ROMO1: variants seen among roughly 807,000 people sequenced by gnomAD.
ROMO1 encodes reactive oxygen species modulator 1, also known as PCM19.
In ROMO1, 8 loss-of-function variants were observed where a neutral mutation model predicts 7.4. The ratio of observed to expected loss-of-function variants is 1.08; its 90% CI spans 0.63 to 1.95. The LOEUF is 1.95. ROMO1 is among the 30% of genes most tolerant of loss of function. The probability of loss-of-function intolerance (pLI) is 0.00; values close to 1 mark genes in which losing one functional copy is unlikely to be tolerated. For missense variants in ROMO1, 91 were observed against 115.9 expected (o/e 0.79, Z 0.99); for synonymous variants, 43 against 41.4 (o/e 1.04, Z -0.15).
Position 35,700,943 on chromosome 20 carries a change from T to C in ROMO1, c.*37T>C. 1 of 1,413,256 alleles carries C rather than the reference T, an allele frequency of 7.1e-7. No individual in the cohort carries two copies. The highest frequency in any genetic ancestry group is 1.2e-5 in the South Asian group (1 of 86,924). The allele number at this position is 1,413,256 out of a possible 1,614,324, so 87.5% of individuals were successfully genotyped here. On this transcript the variant is annotated 3_prime_UTR_variant, in exon 3 of 3. Transcript: ENST00000374077. ...AACTACATCTGTCCCTTCCCATCAA[T>C]CCCAGCCCATGTACTAATAAAAGAA... is the stretch of plus-strand genomic sequence containing the variant.
exon 3 of ROMO1, chr20:35,700,979 TAGTC>T: frequency 1.9e-6 from 2 of 1,063,192 alleles, no homozygotes; most frequent in Middle Eastern, 2.2e-4. Flanking sequence ...AGTCTTTGAG[TAGTC>T]AGTGTCCCTC....
intron 2 of ROMO1, among the ~76,000 whole-genome samples, chr20:35,700,412 A>G (rs988887936): frequency 5.9e-5 from 9 of 152,172 alleles, no homozygotes; most frequent in Non-Finnish European, 1.3e-4. Flanking sequence ...ACTATGTGTA[A>G]ATTGTAGAGC....
Position 35,700,936 on chromosome 20 carries a change from C to A in ROMO1, c.*30C>A. Reference sequence around the variant, plus strand: ...GGTTGCCAACTACATCTGTCCCTTCCCATCAATCCCAGCCCATGTACTAAT... The same window carrying A: ...GGTTGCCAACTACATCTGTCCCTTCACATCAATCCCAGCCCATGTACTAAT... On this transcript the variant is annotated 3_prime_UTR_variant, in exon 3 of 3. Coordinates refer to ENST00000374077, the MANE Select transcript of ROMO1 (RefSeq NM_080748.3). 1 of 1,458,278 alleles carries A rather than the reference C, an allele frequency of 6.9e-7. No homozygotes were observed. Among genetic ancestry groups the A allele is most frequent in the Non-Finnish European group, 9.6e-7 (1 of 1,037,722 alleles). 90.3% of individuals were successfully genotyped at this position (1,458,278 alleles called of 1,614,324 possible).
chr20:35,699,428 T>G lies in ROMO1; in HGVS notation c.-29T>G. Reference sequence around the variant, plus strand: ...TCGTTTTCCGTGAGAGACGTAGAGCTGAGCGACCCAGCCCGCGAGCGAGGT... The same window carrying G: ...TCGTTTTCCGTGAGAGACGTAGAGCGGAGCGACCCAGCCCGCGAGCGAGGT... On this transcript the variant is annotated 5_prime_UTR_variant, in exon 1 of 3. Coordinates refer to ENST00000374077, the MANE Select transcript of ROMO1 (RefSeq NM_080748.3). The surrounding 1 kb of genome is among the most constrained non-coding windows in gnomAD (Gnocchi z 4.4). The G allele has an allele frequency of 8.4e-7, 1 of 1,186,630 alleles. No individual in the cohort carries two copies. Among genetic ancestry groups the G allele is most frequent in the Admixed American group, 2.9e-5 (1 of 34,092 alleles). The allele number at this position is 1,186,630 out of a possible 1,614,324, so 73.5% of individuals were successfully genotyped here.
Position 35,700,947 on chromosome 20 carries a change from A to G in ROMO1, c.*41A>G. 3.6e-6 allele frequency: 5 copies of G among 1,387,168 alleles called. No individual in the cohort carries two copies. Among genetic ancestry groups the G allele is most frequent in the Non-Finnish European group, 5.1e-6 (5 of 972,740 alleles). 85.9% of individuals were successfully genotyped at this position (1,387,168 alleles called of 1,614,324 possible). On this transcript the variant is annotated 3_prime_UTR_variant, in exon 3 of 3. Transcript: ENST00000374077. ...ACATCTGTCCCTTCCCATCAATCCC[A>G]GCCCATGTACTAATAAAAGAAAGTC...
chr20:35,699,443 GC>G lies in ROMO1; in HGVS notation c.-13del. 16 of 1,170,418 alleles carry G rather than the reference GC, an allele frequency of 1.4e-5. No homozygotes were observed. Among genetic ancestry groups the G allele is most frequent in the Non-Finnish European group, 1.9e-5 (16 of 856,036 alleles). 72.5% of individuals were successfully genotyped at this position (1,170,418 alleles called of 1,614,324 possible). On this transcript the variant is annotated 5_prime_UTR_variant, in exon 1 of 3. Transcript: ENST00000374077. This position sits in a 1 kb window ranked among gnomAD's most constrained non-coding sequence, Gnocchi z 4.4. ...GACGTAGAGCTGAGCGACCCAGCCC[GC>G]GAGCGAGGTGAGGTAGGCGCCGGGC...
Position 35,699,838 on chromosome 20 carries a change from G to C in ROMO1, c.131+75G>C, listed in dbSNP as rs2035222188. 6.6e-7 allele frequency: 1 copy of C among 1,509,406 alleles called. No individual in the cohort carries two copies. The highest frequency in any genetic ancestry group is 1.4e-5 in the African/African-American group (1 of 71,772). 93.5% of individuals were successfully genotyped at this position (1,509,406 alleles called of 1,614,324 possible). ...CCCTGCCCCATTCGGCCTGGAGCCT[G>C]AACACAGCCTCCTTCTTTCGACTTC... is the stretch of plus-strand genomic sequence containing the variant. On this transcript the variant is annotated intron_variant, in intron 2 of 2. Transcript: ENST00000374077. The surrounding 1 kb of genome is among the most constrained non-coding windows in gnomAD (Gnocchi z 4.4).
intron 2 of ROMO1, 104 bp from the exon 3 acceptor site, chr20:35,700,694 G>A: frequency 1.2e-6 from 1 of 822,336 alleles, no homozygotes; most frequent in Non-Finnish European, 2.1e-6. Flanking sequence ...AAAATCAGAT[G>A]TAGGGGTTGC....
At chr20:35,700,420 A>C (rs2035239792) in intron 2 of ROMO1, among the ~76,000 whole-genome samples, 1 of 152,188 alleles carries the variant, frequency 6.6e-6, no homozygotes, top group South Asian at 2.1e-4. Flanking sequence ...TAAATTGTAG[A>C]GCTGACTCTT....
In ROMO1 at chr20:35,699,817, G is replaced by T. The variant is rs181698630; in HGVS notation, c.131+54G>T. 117 of 1,558,194 alleles carry T rather than the reference G, an allele frequency of 7.5e-5. No individual in the cohort carries two copies. Among genetic ancestry groups the T allele is most frequent in the Non-Finnish European group, 9.7e-5 (112 of 1,155,736 alleles). On this transcript the variant is annotated intron_variant, in intron 2 of 2. Transcript: ENST00000374077. The surrounding 1 kb of genome is among the most constrained non-coding windows in gnomAD (Gnocchi z 4.4). ...CAGGACAACCAGACCTTCCGGCCCT[G>T]CCCCATTCGGCCTGGAGCCTGAACA...
At chr20:35,700,763 G>A (rs772512025) in intron 2 of ROMO1, 35 bp from the exon 3 acceptor site, 1 of 1,576,504 alleles carries the variant, frequency 6.3e-7, no homozygotes, top group Non-Finnish European at 8.7e-7. Context: ...TGATATTTTT[G>A]TTACCAAATA....
In ROMO1 at chr20:35,699,655, ACGGACAGTCCCAG is replaced by A. The variant is rs1568969113; in HGVS notation, c.25_37del (p.Gly9GlnfsTer12). The A allele has an allele frequency of 6.2e-7, 1 of 1,613,472 alleles. No individual in the cohort carries two copies. Among genetic ancestry groups the A allele is most frequent in the South Asian group, 1.1e-5 (1 of 91,084 alleles). ...CAGATGCCGGTGGCCGTGGGTCCCT[ACGGACAGTCCCAG>A]CCAAGCTGCTTCGACCGTGTCAAAA... is the stretch of plus-strand genomic sequence containing the variant. On this transcript the variant is annotated frameshift_variant, in exon 2 of 3. Transcript: ENST00000374077. LOFTEE classifies it high-confidence loss of function. This position sits in a 1 kb window ranked among gnomAD's most constrained non-coding sequence, Gnocchi z 4.4.
chr20:35,699,698 C>T lies in ROMO1; in HGVS notation c.66C>T (p.Gly22=). Residue 22 remains glycine (G), a synonymous_variant, in exon 2 of 3, where the codon GGC becomes GGT. Coordinates refer to ENST00000374077, the MANE Select transcript of ROMO1 (RefSeq NM_080748.3). This position sits in a 1 kb window ranked among gnomAD's most constrained non-coding sequence, Gnocchi z 4.4. ...QPSCFDRVKM[G]FVMGCAVGMA... is the part of the protein sequence containing the mutation. The stretch of plus-strand genomic sequence containing the variant: ...GCTGCTTCGACCGTGTCAAAATGGG[C>T]TTCGTGATGGGTTGCGCCGTGGGCA... The T allele has an allele frequency of 6.2e-7, 1 of 1,613,696 alleles. No homozygotes were observed. The highest frequency in any genetic ancestry group is 8.5e-7 in the Non-Finnish European group (1 of 1,180,014).
At position 35,699,706 on chromosome 20, in the gene ROMO1, T is replaced by G; in HGVS notation, c.74T>G (p.Met25Arg). The part of the protein sequence containing the change: ...CFDRVKMGFV[M>R]GCAVGMAAGA... ...GACCGTGTCAAAATGGGCTTCGTGA[T>G]GGGTTGCGCCGTGGGCATGGCGGCC... The change falls in exon 2 of 3, where the codon ATG (methionine) becomes AGG (arginine). Residue 25 changes from methionine to arginine, a missense_variant. Met to Arg is a moderately conservative substitution (Grantham distance 91, BLOSUM62 -1). Transcript: ENST00000374077. The surrounding 1 kb of genome is among the most constrained non-coding windows in gnomAD (Gnocchi z 4.4). The G allele has an allele frequency of 1.2e-6, 2 of 1,613,574 alleles. No homozygotes were observed. Among genetic ancestry groups the G allele is most frequent in the Non-Finnish European group, 1.7e-6 (2 of 1,179,996 alleles).
Position 35,699,749 on chromosome 20 carries a change from CT to C in ROMO1, c.121del (p.Ser41ProfsTer12). 6.2e-7 allele frequency: 1 copy of C among 1,610,174 alleles called. No individual in the cohort carries two copies. Reference protein sequence around the residue: ...GMAAGALFGTFSCLRIGMRGR... With the variant: ...GMAAGALFGTXSCLRIGMRGR... The stretch of plus-strand genomic sequence containing the variant: ...TGGCGGCCGGGGCGCTCTTCGGCAC[CT>C]TTTCCTGTCTCAGGTGAGGGGCGCG... On this transcript the variant is annotated frameshift_variant, in exon 2 of 3. Transcript: ENST00000374077. LOFTEE classifies it high-confidence loss of function. This position sits in a 1 kb window ranked among gnomAD's most constrained non-coding sequence, Gnocchi z 4.4.
At chr20:35,700,767 C>A in intron 2 of ROMO1, 31 bp from the exon 3 acceptor site, 1 of 1,585,950 alleles carries the variant, frequency 6.3e-7, no homozygotes, top group South Asian at 1.1e-5. Context: ...ATTTTTGTTA[C>A]CAAATAGCTC....
At position 35,699,657 on chromosome 20, in the gene ROMO1, G is replaced by T. The variant is rs73905935; in HGVS notation, c.25G>T (p.Gly9Ter). 1 of 1,613,556 alleles carries T rather than the reference G, an allele frequency of 6.2e-7. No homozygotes were observed. Among genetic ancestry groups the T allele is most frequent in the South Asian group, 1.1e-5 (1 of 91,086 alleles). Residue 9 changes from glycine to a stop codon, truncating the protein, a stop_gained, in exon 2 of 3, where the codon GGA becomes TGA. Coordinates refer to ENST00000374077, the MANE Select transcript of ROMO1 (RefSeq NM_080748.3). LOFTEE classifies it high-confidence loss of function. This position sits in a 1 kb window ranked among gnomAD's most constrained non-coding sequence, Gnocchi z 4.4. MPVAVGPY[G>*]QSQPSCFDRV... ...GATGCCGGTGGCCGTGGGTCCCTAC[G>T]GACAGTCCCAGCCAAGCTGCTTCGA...
At chr20:35,700,652 C>A in intron 2 of ROMO1, 146 bp from the exon 3 acceptor site, 1 of 671,842 alleles carries the variant, frequency 1.5e-6, no homozygotes, top group South Asian at 1.7e-5. Flanking sequence ...ATTACCCACC[C>A]CAGGTAGTAA....
In ROMO1 at chr20:35,699,439, G is replaced by A; in HGVS notation, c.-18G>A. On this transcript the variant is annotated 5_prime_UTR_variant, in exon 1 of 3. Coordinates refer to ENST00000374077, the MANE Select transcript of ROMO1 (RefSeq NM_080748.3). This position sits in a 1 kb window ranked among gnomAD's most constrained non-coding sequence, Gnocchi z 4.4. Reference sequence around the variant, plus strand: ...GAGAGACGTAGAGCTGAGCGACCCAGCCCGCGAGCGAGGTGAGGTAGGCGC... The same window carrying A: ...GAGAGACGTAGAGCTGAGCGACCCAACCCGCGAGCGAGGTGAGGTAGGCGC... 1 of 1,177,298 alleles carries A rather than the reference G, an allele frequency of 8.5e-7. No homozygotes were observed. Among genetic ancestry groups the A allele is most frequent in the South Asian group, 1.5e-5 (1 of 64,946 alleles). The allele number at this position is 1,177,298 out of a possible 1,614,324, so 72.9% of individuals were successfully genotyped here.
Sources: allele counts gnomAD v4.1 joint callset (sites outside exome capture counted in the v4.1 genomes callset), GRCh38; gene constraint gnomAD v4.1.1; non-coding constraint Gnocchi (gnomAD v3.1); transcripts MANE v1.5; gene names NCBI Gene and HGNC (gene_info 2026-07-23, HGNC 2026-07-21).